The following ODAD2 variants were observed in gnomAD, a reference collection of about 807,000 sequenced individuals.
ODAD2 encodes outer dynein arm docking complex subunit 2.
In ODAD2, 89 loss-of-function variants were observed where a neutral mutation model predicts 106.8. The observed-to-expected ratio is 0.83, with a 90% confidence interval of 0.70 to 0.99. The LOEUF (loss-of-function observed/expected upper bound fraction) is 0.99. Ranked by LOEUF, ODAD2 falls within the 50% of genes least tolerant of loss-of-function variation. The probability of loss-of-function intolerance (pLI) is 0.00; values close to 1 mark genes in which losing one functional copy is unlikely to be tolerated. For missense variants in ODAD2, 1,168 were observed against 1,238.5 expected (o/e 0.94, Z 0.85); for synonymous variants, 404 against 436.2 (o/e 0.93, Z 0.92).
chr10:27,973,727 A>C (rs983153549), intron 7 of ODAD2, among the ~76,000 whole-genome samples: 1 of 152,166 alleles, frequency 6.6e-6, no homozygotes, highest in Admixed American at 6.6e-5. Context: ...TGCTACTGCG[A>C]ATAGTGCTGC....
intron 19 of ODAD2, among the ~76,000 whole-genome samples, chr10:27,846,817 A>C (rs1838801088): frequency 1.3e-5 from 2 of 151,356 alleles, no homozygotes; most frequent in African/African-American, 4.9e-5. Context: ...TAAACTAGAA[A>C]ATCTAGAAGA....
chr10:27,975,668 G>A (rs772486185), intron 7 of ODAD2, among the ~76,000 whole-genome samples: 1 of 152,000 alleles, frequency 6.6e-6, no homozygotes, highest in Non-Finnish European at 1.5e-5. Context: ...AATATTCCAG[G>A]CCCAGATGGC....
chr10:27,856,474 A>G (rs1188543365), intron 19 of ODAD2, among the ~76,000 whole-genome samples: 1 of 152,162 alleles, frequency 6.6e-6, no homozygotes, highest in African/African-American at 2.4e-5. Context: ...TTCCTAGTTT[A>G]CATGCCCCAA....
chr10:27,931,456 T>C (rs1217109776), intron 16 of ODAD2, among the ~76,000 whole-genome samples: 1 of 152,132 alleles, frequency 6.6e-6, no homozygotes, highest in Non-Finnish European at 1.5e-5. Context: ...TCATCTACTT[T>C]ACTATTTTAA....
chr10:27,963,669 C>A (rs1269274763), intron 9 of ODAD2, among the ~76,000 whole-genome samples: 4 of 148,368 alleles, frequency 2.7e-5, no homozygotes, highest in Non-Finnish European at 4.4e-5. Context: ...TAATTCCTCT[C>A]ATTCAGTGTG....
intron 16 of ODAD2, among the ~76,000 whole-genome samples, chr10:27,923,945 TGAAAGAAAGAAAGAAA>T (rs747193046): frequency 0.036 from 1,642 of 45,922 alleles, 18 homozygotes; most frequent in African/African-American, 0.058. Flanking sequence ...CCCTGTCTAA[TGAAAGAAAGAAAGAAA>T]GAAAGAAAGA....
intron 7 of ODAD2, among the ~76,000 whole-genome samples, chr10:27,973,406 T>G (rs11006790): frequency 0.44 from 66,984 of 151,690 alleles, 15,683 homozygotes; most frequent in African/African-American, 0.6. Flanking sequence ...ATGTCACAGG[T>G]GTTTGCTGTA....
chr10:27,940,737 G>T lies in ODAD2; in HGVS notation c.1812C>A (p.Asp604Glu). Residue 604 changes from aspartate (D) to glutamate (E), a missense_variant, in exon 13 of 20, where the codon GAC becomes GAA. Around this residue, in one of 3 missense-constraint regions of ODAD2, gnomAD observed 701 missense variants for 712.3 expected, o/e 0.98. Transcript: ENST00000305242. ...PAQSSLYEARDVEVARCGALA... is the reference protein window; with the variant it reads ...PAQSSLYEAREVEVARCGALA... The stretch of plus-strand genomic sequence containing the variant: ...GTGCCCCACAGCGAGCCACTTCCAC[G>T]TCTCTGGCCTCATACAGACTCGATT... 6.2e-7 allele frequency: 1 copy of T among 1,614,086 alleles called. No homozygotes were observed. Among genetic ancestry groups the T allele is most frequent in the Non-Finnish European group, 8.5e-7 (1 of 1,179,990 alleles).
chr10:27,984,055 T>C (rs1410693345), intron 5 of ODAD2, 76 bp from the exon 6 acceptor site: 6 of 1,551,486 alleles, frequency 3.9e-6, no homozygotes, highest in Non-Finnish European at 5.3e-6. Context: ...TTCCACAAAA[T>C]AAATATTGTG....
chr10:27,880,231 A>T (rs778512787), intron 17 of ODAD2, among the ~76,000 whole-genome samples: 3 of 152,166 alleles, frequency 2.0e-5, no homozygotes, highest in Non-Finnish European at 2.9e-5. Context: ...AAGTTGAACA[A>T]TTTTCCTACA....
At chr10:27,916,722 G>A (rs1042413666) in intron 16 of ODAD2, among the ~76,000 whole-genome samples, 1 of 151,884 alleles carries the variant, frequency 6.6e-6, no homozygotes, top group Non-Finnish European at 1.5e-5. Context: ...TTACATTATT[G>A]TAAGAAATCA....
In ODAD2 at chr10:27,893,257, C is replaced by A. The variant is rs551490600; in HGVS notation, c.2610+14406G>T. On this transcript the variant is annotated intron_variant, in intron 17 of 19. Coordinates refer to ENST00000305242, the MANE Select transcript of ODAD2 (RefSeq NM_018076.5). Reference sequence around the variant, plus strand: ...CATTCACTAGAAGCAATATTCACATCTTATTTTCTTAACACATACATCTGA... The same window carrying A: ...CATTCACTAGAAGCAATATTCACATATTATTTTCTTAACACATACATCTGA... Among the ~76,000 whole-genome samples the A allele has an allele frequency of 7.2e-5, 11 of 152,292 alleles. No individual in the cohort carries two copies. The South Asian group carries it at 1.2e-3, about 17-fold the overall frequency.
intron 19 of ODAD2, among the ~76,000 whole-genome samples, chr10:27,842,323 T>A (rs1227493888): frequency 4.6e-5 from 7 of 152,078 alleles, no homozygotes; most frequent in African/African-American, 1.7e-4. Flanking sequence ...ATGTGGAGAA[T>A]CTCTACACTG....
At chr10:27,826,897 T>C (rs968660273) in intron 19 of ODAD2, among the ~76,000 whole-genome samples, 1 of 151,910 alleles carries the variant, frequency 6.6e-6, no homozygotes, top group African/African-American at 2.4e-5. Flanking sequence ...ACTCTCCAGC[T>C]ACCACTTTCC....
chr10:27,905,402 G>A (rs1220011041), intron 17 of ODAD2, among the ~76,000 whole-genome samples: 2 of 152,054 alleles, frequency 1.3e-5, no homozygotes, highest in African/African-American at 4.8e-5. Flanking sequence ...CCATGCCCAT[G>A]GATAGGAAGA....
At chr10:27,874,167 T>G (rs903739890) in intron 17 of ODAD2, among the ~76,000 whole-genome samples, 2 of 152,238 alleles carry the variant, frequency 1.3e-5, no homozygotes, top group Non-Finnish European at 2.9e-5. Flanking sequence ...TATCAGAGAC[T>G]AGGATTGCAA....
At chr10:27,862,788 T>G (rs1012508103) in intron 17 of ODAD2, among the ~76,000 whole-genome samples, 166 bp from the exon 18 acceptor site, 1 of 104,994 alleles carries the variant, frequency 9.5e-6, no homozygotes, top group Non-Finnish European at 2.5e-5. Flanking sequence ...TGTATATGTA[T>G]AAAGTGTGTG....
intron 19 of ODAD2, among the ~76,000 whole-genome samples, chr10:27,815,974 C>T (rs568540271): frequency 1.6e-4 from 25 of 152,234 alleles, no homozygotes; most frequent in African/African-American, 5.8e-4. Context: ...AATCTCTTTC[C>T]AAGTATTTTC....
chr10:27,885,824 T>C (rs1425109676), intron 17 of ODAD2, among the ~76,000 whole-genome samples: 1 of 98,412 alleles, frequency 1.0e-5, no homozygotes, highest in Non-Finnish European at 1.9e-5. Context: ...ATATATAATA[T>C]ATAAATATAT....
Sources: gnomAD v4.1 joint callset for allele counts (sites outside exome capture counted in the v4.1 genomes callset) on GRCh38, gnomAD v4.1.1 for gene constraint, gnomAD v4.1.1 regional missense constraint, MANE v1.5 for transcripts, NCBI Gene and HGNC (gene_info 2026-07-23, HGNC 2026-07-21) for gene names.